FOXO3: variants seen among roughly 807,000 people sequenced by gnomAD.
FOXO3 encodes the protein forkhead box protein O3.
In FOXO3, 4 loss-of-function variants were observed where a neutral mutation model predicts 41.9. The observed-to-expected ratio is 0.10, with a 90% CI of 0.05 to 0.22. The LOEUF is 0.22. FOXO3 is among the 10% of genes least tolerant of loss of function. The pLI, the probability that FOXO3 is intolerant of heterozygous loss-of-function variation, is 1.00. For synonymous variants in FOXO3, 318 were observed against 389.3 expected, an observed-to-expected ratio of 0.82 and a Z score of 2.16; for missense variants, 534 against 906.8, an observed-to-expected ratio of 0.59 and a Z score of 5.28.
intron 2 of FOXO3, among the ~76,000 whole-genome samples, chr6:108,674,348 C>G (rs1770489973): frequency 6.6e-6 from 1 of 152,208 alleles, no homozygotes; most frequent in African/African-American, 2.4e-5. Context: ...TTAGTACTTT[C>G]AACTTACCAG....
At chr6:108,632,867 A>G (rs1778014748) in intron 1 of FOXO3, among the ~76,000 whole-genome samples, 1 of 152,180 alleles carries the variant, frequency 6.6e-6, no homozygotes, top group African/African-American at 2.4e-5. Context: ...GGAACTTTAA[A>G]TGGTTTATGT....
At position 108,620,592 on chromosome 6, in the gene FOXO3, C is replaced by T. The variant is rs79664783; in HGVS notation, c.622-42863C>T. Among the ~76,000 whole-genome samples the T allele has an allele frequency of 2.4e-4, 36 of 152,222 alleles. No individual in the cohort carries two copies. The East Asian group carries it at 6.4e-3, about 27-fold the overall frequency. ...TGAGATAATTAGTATTATGAAGCCA[C>T]GCTTCTGATTGTGAGAATGAGAACA... On this transcript the variant is annotated intron_variant, in intron 1 of 2. Transcript: ENST00000406360.
intron 1 of FOXO3, among the ~76,000 whole-genome samples, chr6:108,618,926 C>A (rs1163127387): frequency 6.6e-6 from 1 of 152,202 alleles, no homozygotes; most frequent in Non-Finnish European, 1.5e-5. Flanking sequence ...CTGACATGCT[C>A]TGTGTTCCCC....
chr6:108,663,915 C>T lies in FOXO3; in HGVS notation c.1082C>T (p.Pro361Leu), dbSNP rs747625857. The T allele has an allele frequency of 1.1e-5, 18 of 1,614,104 alleles. No homozygotes were observed. Among genetic ancestry groups the T allele is most frequent in the Non-Finnish European group, 1.5e-5 (18 of 1,180,042 alleles). The change falls in exon 2 of 3, where the codon CCG becomes CTG. Residue 361 changes from proline to leucine, a missense_variant. This residue lies in a region of FOXO3 where 185 missense variants were observed against 224.9 expected (regional missense o/e 0.82). Transcript: ENST00000406360. ...AGCCTGTCACCTTCAGTAAGCAAGC[C>T]GTGCACGGTGGAACTGCCACGGCTG... is the stretch of plus-strand genomic sequence containing the variant. ...SASLSPSVSK[P>L]CTVELPRLTD...
intron 1 of FOXO3, among the ~76,000 whole-genome samples, chr6:108,634,052 G>GCC (rs1487222893): frequency 6.6e-6 from 1 of 152,150 alleles, no homozygotes; most frequent in African/African-American, 2.4e-5. Flanking sequence ...GGGCCTTGGA[G>GCC]CCAGTTCATC....
At chr6:108,643,404 A>G (rs184533997) in intron 1 of FOXO3, among the ~76,000 whole-genome samples, 388 of 152,256 alleles carry the variant, frequency 2.5e-3, no homozygotes, top group South Asian at 4.8e-3. Context: ...CTTGTTTTGA[A>G]CCTTGAGGTC....
At chr6:108,652,865 A>G (rs1166210447) in intron 1 of FOXO3, among the ~76,000 whole-genome samples, 1 of 152,140 alleles carries the variant, frequency 6.6e-6, no homozygotes, top group Non-Finnish European at 1.5e-5. Context: ...AGCCAACTGA[A>G]TTACCAAGTA....
At chr6:108,655,928 C>T (rs371256094) in intron 1 of FOXO3, among the ~76,000 whole-genome samples, 73 of 152,276 alleles carry the variant, frequency 4.8e-4, no homozygotes, top group African/African-American at 1.7e-3. Context: ...CAGTGAGACC[C>T]ACTTGAAATG....
intron 1 of FOXO3, among the ~76,000 whole-genome samples, chr6:108,642,912 T>C (rs1022254344): frequency 2.0e-5 from 3 of 152,228 alleles, no homozygotes; most frequent in Non-Finnish European, 4.4e-5. Context: ...AGCTAATTCA[T>C]TGTCAACTAA....
chr6:108,591,644 A>G (rs1776734916), intron 1 of FOXO3, among the ~76,000 whole-genome samples: 2 of 152,228 alleles, frequency 1.3e-5, no homozygotes, highest in South Asian at 2.1e-4. Context: ...TTGAAATAAC[A>G]TCTTGAGCTG....
chr6:108,634,889 A>G (rs1269612125), intron 1 of FOXO3, among the ~76,000 whole-genome samples: 1 of 152,128 alleles, frequency 6.6e-6, no homozygotes, highest in Non-Finnish European at 1.5e-5. Flanking sequence ...GTTTAAAAAT[A>G]TGCGAGCAGT....
chr6:108,580,816 A>G (rs2128360012), intron 1 of FOXO3, among the ~76,000 whole-genome samples: 1 of 152,346 alleles, frequency 6.6e-6, no homozygotes, highest in African/African-American at 2.4e-5. Flanking sequence ...GTTGAGTGTT[A>G]GGTTGTAGAC....
At chr6:108,658,020 C>T (rs557779468) in intron 1 of FOXO3, among the ~76,000 whole-genome samples, 1 of 152,170 alleles carries the variant, frequency 6.6e-6, no homozygotes, top group African/African-American at 2.4e-5. Flanking sequence ...ATGTGAGTTT[C>T]TTCTGCGGGG....
intron 1 of FOXO3, among the ~76,000 whole-genome samples, chr6:108,620,314 T>A (rs1777630180): frequency 6.6e-6 from 1 of 152,336 alleles, no homozygotes; most frequent in African/African-American, 2.4e-5. Flanking sequence ...CCTTAACACT[T>A]TAATATGATA....
At chr6:108,630,952 T>C (rs1012960774) in intron 1 of FOXO3, among the ~76,000 whole-genome samples, 1 of 152,212 alleles carries the variant, frequency 6.6e-6, no homozygotes, top group Non-Finnish European at 1.5e-5. Flanking sequence ...TGGGTTCCTT[T>C]ATTGCCTTTC....
Position 108,561,591 on chromosome 6 carries a change from A to T in FOXO3, c.383A>T (p.Gln128Leu), listed in dbSNP as rs1044876496. The T allele has an allele frequency of 5.3e-5, 80 of 1,505,630 alleles. No homozygotes were observed. Among genetic ancestry groups the T allele is most frequent in the Non-Finnish European group, 6.6e-5 (75 of 1,128,264 alleles). The allele number at this position is 1,505,630 out of a possible 1,614,324, so 93.3% of individuals were successfully genotyped here. A position where few individuals can be genotyped will look rare whatever the true frequency, so the allele number is the denominator to read the frequency against. The stretch of plus-strand genomic sequence containing the variant: ...AGCGGGGGTACACAGGCGCTGCTGC[A>T]GCCTCAGCAACCGCTGCCACCGCCG... The part of the protein sequence containing the change: ...GLSGGTQALL[Q>L]PQQPLPPPQP... Residue 128 changes from glutamine (Q) to leucine (L), a missense_variant, in exon 1 of 3, where the codon CAG (glutamine) becomes CTG (leucine). Around this residue, in one of 8 missense-constraint regions of FOXO3, gnomAD observed 139 missense variants for 163.7 expected, o/e 0.85. Coordinates refer to ENST00000406360, the MANE Select transcript of FOXO3 (RefSeq NM_001455.4).
In FOXO3 at chr6:108,561,490, T is replaced by C. The variant is rs953245371; in HGVS notation, c.282T>C (p.Leu94=). The C allele has an allele frequency of 1.2e-4, 180 of 1,487,882 alleles. No individual in the cohort carries two copies. Among genetic ancestry groups the C allele is most frequent in the Non-Finnish European group, 1.5e-4 (172 of 1,123,756 alleles). 92.2% of individuals were successfully genotyped at this position (1,487,882 alleles called of 1,614,324 possible). ...GSGTLGSGLL[L]EDSARVLAPG... ...GCACGCTGGGCTCCGGGCTGCTCCT[T>C]GAGGACTCGGCCCGGGTGCTGGCAC... The change falls in exon 1 of 3, where the codon CTT becomes CTC. Residue 94 remains leucine (L), a synonymous_variant. Transcript: ENST00000406360.
At position 108,664,066 on chromosome 6, in the gene FOXO3, C is replaced by A; in HGVS notation, c.1233C>A (p.Ser411Arg). Residue 411 changes from serine (S) to arginine (R), a missense_variant, in exon 2 of 3, where the codon AGC (serine) becomes AGA (arginine). Physicochemically the swap from Ser to Arg is moderately radical, Grantham distance 110 (BLOSUM62 -1). This residue lies in a region of FOXO3 where 185 missense variants were observed against 224.9 expected (regional missense o/e 0.82). Coordinates refer to ENST00000406360, the MANE Select transcript of FOXO3 (RefSeq NM_001455.4). The stretch of plus-strand genomic sequence containing the variant: ...CCACTGGGGGACTCATGCAGCGGAG[C>A]TCTAGCTTCCCGTATACCACCAAGG... ...PSPTGGLMQR[S>R]SSFPYTTKGS... 6.2e-7 allele frequency: 1 copy of A among 1,613,516 alleles called. No individual in the cohort carries two copies. Among genetic ancestry groups the A allele is most frequent in the South Asian group, 1.1e-5 (1 of 91,076 alleles).
At chr6:108,590,627 A>G (rs1231593542) in intron 1 of FOXO3, among the ~76,000 whole-genome samples, 1 of 152,226 alleles carries the variant, frequency 6.6e-6, no homozygotes, top group Non-Finnish European at 1.5e-5. Context: ...AAACACTTCC[A>G]GGTAATTTGG....
Sources: allele counts gnomAD v4.1 joint callset (sites outside exome capture counted in the v4.1 genomes callset), GRCh38; gene constraint gnomAD v4.1.1; regional missense constraint gnomAD v4.1.1; transcripts MANE v1.5; gene names NCBI Gene and HGNC (gene_info 2026-07-23, HGNC 2026-07-21).